The following AGBL4 variants were observed in gnomAD, a reference collection of about 807,000 sequenced individuals.
The protein encoded by AGBL4 is cytosolic carboxypeptidase 6.
In AGBL4, 58 loss-of-function variants were observed where a neutral mutation model predicts 66.4. The observed-to-expected ratio is 0.87, with a 90% confidence interval of 0.71 to 1.09. The LOEUF (loss-of-function observed/expected upper bound fraction) is 1.09. Ranked by LOEUF, AGBL4 falls within the 50% of genes least tolerant of loss-of-function variation. The pLI is 0.00. For missense variants in AGBL4, 579 were observed against 631.0 expected (o/e 0.92, Z 0.88); for synonymous variants, 234 against 222.9 (o/e 1.05, Z -0.44).
chr1:49,749,439 A>C (rs182359887), intron 2 of AGBL4, among the ~76,000 whole-genome samples: 12 of 152,194 alleles, frequency 7.9e-5, no homozygotes, highest in Admixed American at 7.9e-4. Flanking sequence ...GAAAGAGGAA[A>C]TAATACTAAA....
chr1:49,881,555 C>T (rs1647306463), intron 1 of AGBL4, among the ~76,000 whole-genome samples: 1 of 149,920 alleles, frequency 6.7e-6, no homozygotes, highest in Non-Finnish European at 1.5e-5. Flanking sequence ...CCTGTTGTTT[C>T]CTGACTTTTT....
In AGBL4 at chr1:49,239,361, C is replaced by T. The variant is rs543717944; in HGVS notation, c.377+6409G>A. The stretch of plus-strand genomic sequence containing the variant: ...CTTAGAGTCTATCTCTTAGAAGCTG[C>T]TTGTAAAAAATTATTTAACAAACCT... On this transcript the variant is annotated intron_variant, in intron 4 of 13. Coordinates refer to ENST00000371839, the MANE Select transcript of AGBL4 (RefSeq NM_032785.4). 2.0e-5 allele frequency among the ~76,000 whole-genome samples: 3 copies of T among 152,106 alleles called. No homozygotes were observed. The South Asian group carries it at 6.2e-4, about 32-fold the overall frequency.
intron 2 of AGBL4, among the ~76,000 whole-genome samples, chr1:49,818,248 T>C (rs925858624): frequency 6.6e-6 from 1 of 152,200 alleles, no homozygotes; most frequent in African/African-American, 2.4e-5. Context: ...AATAAAATGA[T>C]GACTAAAAGA....
chr1:48,742,576 G>A (rs752270772), intron 6 of AGBL4: 8 of 1,455,312 alleles, frequency 5.5e-6, no homozygotes, highest in Non-Finnish European at 7.3e-6. Context: ...CCTTTACTCT[G>A]ACTAACAAAC....
chr1:49,912,484 TA>T (rs1339237388), intron 1 of AGBL4, among the ~76,000 whole-genome samples: 5 of 152,252 alleles, frequency 3.3e-5, no homozygotes, highest in African/African-American at 1.2e-4. Flanking sequence ...AAGTGTTTTA[TA>T]AATTTAGCTC....
chr1:48,567,390 C>T (rs944566210), intron 11 of AGBL4, among the ~76,000 whole-genome samples: 2 of 152,216 alleles, frequency 1.3e-5, no homozygotes, highest in African/African-American at 4.8e-5. Context: ...AGCATCCAAA[C>T]ACATGTGATG....
chr1:49,999,147 G>A (rs933357176), intron 1 of AGBL4, among the ~76,000 whole-genome samples: 2 of 150,918 alleles, frequency 1.3e-5, no homozygotes, highest in African/African-American at 4.9e-5. Context: ...AAACTGTCTG[G>A]GTATATGATA....
intron 3 of AGBL4, among the ~76,000 whole-genome samples, chr1:49,465,470 A>C (rs970169757): frequency 1.3e-5 from 2 of 151,814 alleles, no homozygotes; most frequent in Non-Finnish European, 2.9e-5. Context: ...TTAAAGTGAT[A>C]TAGAATCTGT....
intron 2 of AGBL4, among the ~76,000 whole-genome samples, chr1:49,788,444 C>T (rs1373179837): frequency 6.6e-6 from 1 of 151,008 alleles, no homozygotes; most frequent in Non-Finnish European, 1.5e-5. Flanking sequence ...TCCATCAATA[C>T]AGATGGACAC....
intron 4 of AGBL4, among the ~76,000 whole-genome samples, chr1:49,061,782 C>T (rs990733619): frequency 4.6e-5 from 7 of 152,092 alleles, no homozygotes; most frequent in Non-Finnish European, 7.4e-5. Context: ...ATAGAAGTAG[C>T]CTTCATCTTG....
Position 49,117,453 on chromosome 1 carries a change from C to T in AGBL4, c.378-71653G>A, listed in dbSNP as rs1488255525. Among the ~76,000 whole-genome samples, 11 of 152,118 alleles carry T rather than the reference C, an allele frequency of 7.2e-5. No individual in the cohort carries two copies. In the East Asian group the frequency reaches 2.1e-3, roughly 29 times the overall value. On this transcript the variant is annotated intron_variant, in intron 4 of 13. Coordinates refer to ENST00000371839, the MANE Select transcript of AGBL4 (RefSeq NM_032785.4). ...TTCTACATATGGCTAGCCAGTTTTC[C>T]CAGCACCATTTATTAAATAGGGAAT...
chr1:49,415,324 T>C (rs2148633082), intron 3 of AGBL4, among the ~76,000 whole-genome samples: 1 of 152,302 alleles, frequency 6.6e-6, no homozygotes, highest in Non-Finnish European at 1.5e-5. Flanking sequence ...ACAATGTTAA[T>C]TGATTGCTTT....
At chr1:49,822,863 C>T (rs772369004) in intron 2 of AGBL4, among the ~76,000 whole-genome samples, 26 of 152,156 alleles carry the variant, frequency 1.7e-4, no homozygotes, top group Non-Finnish European at 3.1e-4. Flanking sequence ...CCTGGGCACA[C>T]AAATAGACTT....
intron 6 of AGBL4, among the ~76,000 whole-genome samples, chr1:48,860,774 G>A (rs1205443603): frequency 2.0e-5 from 3 of 152,126 alleles, no homozygotes; most frequent in Non-Finnish European, 4.4e-5. Context: ...CATCACACAG[G>A]GAGATGTGAA....
chr1:49,402,785 G>A (rs987435374), intron 3 of AGBL4, among the ~76,000 whole-genome samples: 11 of 151,990 alleles, frequency 7.2e-5, no homozygotes, highest in Non-Finnish European at 1.5e-4. Context: ...CAGACTGGTC[G>A]CGAACTCCTG....
At chr1:49,404,912 T>A (rs1645164132) in intron 3 of AGBL4, among the ~76,000 whole-genome samples, 1 of 152,326 alleles carries the variant, frequency 6.6e-6, no homozygotes, top group East Asian at 1.9e-4. Context: ...GTTACTGAAT[T>A]TCACATGCTG....
At chr1:49,960,725 T>C (rs1657052348) in intron 1 of AGBL4, among the ~76,000 whole-genome samples, 1 of 152,082 alleles carries the variant, frequency 6.6e-6, no homozygotes. Flanking sequence ...ATTTTTAAAA[T>C]TTTAAGTTGG....
At chr1:48,911,148 T>A (rs1343424) in intron 5 of AGBL4, among the ~76,000 whole-genome samples, 1 of 152,098 alleles carries the variant, frequency 6.6e-6, no homozygotes, top group South Asian at 2.1e-4. Flanking sequence ...CCATTTATTG[T>A]CTCATTTAGT....
chr1:49,078,305 C>T (rs188808771), intron 4 of AGBL4, among the ~76,000 whole-genome samples: 3 of 152,238 alleles, frequency 2.0e-5, no homozygotes, highest in East Asian at 1.9e-4. Context: ...ATGATGCTAA[C>T]TCCAAAATAT....
Sources: gnomAD v4.1 joint callset for allele counts (sites outside exome capture counted in the v4.1 genomes callset) on GRCh38, gnomAD v4.1.1 for gene constraint, MANE v1.5 for transcripts, NCBI Gene and HGNC (gene_info 2026-07-23, HGNC 2026-07-21) for gene names.